The following USP34 variants were observed in gnomAD, a reference collection of about 807,000 sequenced individuals.
The protein encoded by USP34 is ubiquitin specific peptidase 34.
In USP34, 70 loss-of-function variants were observed where a neutral mutation model predicts 460.3. That is an observed-to-expected ratio of 0.15 (90% confidence interval 0.13 to 0.19). The LOEUF is 0.19. Among genes scored for constraint, USP34 ranks in the 10% least tolerant of loss-of-function variants. The probability of loss-of-function intolerance (pLI) is 1.00; values close to 1 mark genes in which losing one functional copy is unlikely to be tolerated. For synonymous variants in USP34, 1,647 were observed against 1,405.3 expected (o/e 1.17, Z -3.85); for missense variants, 3,985 against 4,236.2 (o/e 0.94, Z 1.65).
At chr2:61,449,509 G>GA (rs34449666) in intron 1 of USP34, among the ~76,000 whole-genome samples, 139 of 139,804 alleles carry the variant, frequency 9.9e-4, no homozygotes, top group African/African-American at 1.9e-3. Flanking sequence ...ACATAATTTT[G>GA]AAAAAAAAAA....
At chr2:61,282,885 CTTT>C (rs970455562) in intron 37 of USP34, among the ~76,000 whole-genome samples, 4 of 151,724 alleles carry the variant, frequency 2.6e-5, no homozygotes, top group African/African-American at 7.3e-5. Context: ...CCTGGAAAAA[CTTT>C]TTTTTATTAA....
chr2:61,393,660 C>T (rs1331357993), intron 5 of USP34, among the ~76,000 whole-genome samples: 3 of 151,982 alleles, frequency 2.0e-5, no homozygotes, highest in Admixed American at 2.0e-4. Flanking sequence ...TCACTTTTCA[C>T]CCAATATTTT....
rs977068879 is a variant in USP34, at chr2:61,405,603, T to C, written c.552+105A>G. The C allele has an allele frequency of 8.3e-5, 90 of 1,080,722 alleles. 1 individual carries two copies. In the African/African-American group the frequency reaches 1.1e-3, roughly 13 times the overall value. The allele number at this position is 1,080,722 out of a possible 1,614,324, so 66.9% of individuals were successfully genotyped here. A position where few individuals can be genotyped will look rare whatever the true frequency, so the allele number is the denominator to read the frequency against. ...CATTAAATAATTCTGGTGACAATAATGATTTTCCGCCAGCAGAAAACTGTC... is the reference window on the plus strand; with the variant it reads ...CATTAAATAATTCTGGTGACAATAACGATTTTCCGCCAGCAGAAAACTGTC... On this transcript the variant is annotated intron_variant, in intron 3 of 79. Transcript: ENST00000398571.
At chr2:61,265,600 T>A (rs776006791) in intron 42 of USP34, 43 bp from the exon 43 acceptor site, 4 of 1,555,986 alleles carry the variant, frequency 2.6e-6, no homozygotes, top group Middle Eastern at 1.7e-4. Context: ...CCAAACAAAC[T>A]ATGAAACACA....
chr2:61,349,029 A>G (rs1691857751), intron 13 of USP34, 143 bp from the exon 14 acceptor site: 1 of 1,134,480 alleles, frequency 8.8e-7, no homozygotes, highest in South Asian at 1.8e-5. Flanking sequence ...ATATGTTAAC[A>G]TTTGCTCATG....
Position 61,314,658 on chromosome 2 carries a change from A to T in USP34, c.3469T>A (p.Ser1157Thr), listed in dbSNP as rs1558525512. The T allele has an allele frequency of 1.2e-6, 2 of 1,603,628 alleles. No homozygotes were observed. The highest frequency in any genetic ancestry group is 1.7e-6 in the Non-Finnish European group (2 of 1,176,720). Residue 1157 changes from serine to threonine, a missense_variant, in exon 25 of 80, where the codon TCA becomes ACA. Physicochemically the swap from Ser to Thr is moderately conservative, Grantham distance 58. Coordinates refer to ENST00000398571, the MANE Select transcript of USP34 (RefSeq NM_014709.4). Reference sequence around the variant, plus strand: ...TCTATAACCATGAGACTTGAGTGTGATTCCTGTTCAAGACTGCTAGAAGCT... The same window carrying T: ...TCTATAACCATGAGACTTGAGTGTGTTTCCTGTTCAAGACTGCTAGAAGCT... Reference protein sequence around the residue: ...MIASSSLEQESHSSLMVIERG... With the variant: ...MIASSSLEQETHSSLMVIERG...
intron 3 of USP34, among the ~76,000 whole-genome samples, chr2:61,399,783 G>C (rs1276593910): frequency 6.9e-5 from 10 of 145,580 alleles, no homozygotes; most frequent in Admixed American, 3.6e-4. Context: ...TGAGGCCGGT[G>C]AATCGCTTGA....
intron 48 of USP34, among the ~76,000 whole-genome samples, chr2:61,254,095 C>T (rs532976275): frequency 3.3e-5 from 5 of 152,304 alleles, no homozygotes; most frequent in African/African-American, 1.2e-4. Flanking sequence ...GACAATGTTG[C>T]TTCTATTCCT....
At position 61,405,892 on chromosome 2, in the gene USP34, T is replaced by G; in HGVS notation, c.368A>C (p.Glu123Ala). 4 of 1,613,722 alleles carry G rather than the reference T, an allele frequency of 2.5e-6. No individual in the cohort carries two copies. The highest frequency in any genetic ancestry group is 2.5e-6 in the Non-Finnish European group (3 of 1,179,944). The change falls in exon 3 of 80, where the codon GAA (glutamate) becomes GCA (alanine). Residue 123 changes from glutamate to alanine, a missense_variant. Transcript: ENST00000398571. The part of the protein sequence containing the change: ...EGSTERQKSI[E>A]KKSNSTRICN... ...AATTCTTGTAGAGTTTGATTTTTTTTCTATTGATTTTTGTCTTTCTGTACT... is the reference window on the plus strand; with the variant it reads ...AATTCTTGTAGAGTTTGATTTTTTTGCTATTGATTTTTGTCTTTCTGTACT...
chr2:61,335,015 ACAGAGT>A, intron 18 of USP34, among the ~76,000 whole-genome samples: 1 of 142,712 alleles, frequency 7.0e-6, no homozygotes, highest in Admixed American at 6.7e-5. Context: ...TAATGACCAG[ACAGAGT>A]CAAAGTCATC....
chr2:61,233,263 C>A (rs1687965468), intron 57 of USP34, among the ~76,000 whole-genome samples: 1 of 151,838 alleles, frequency 6.6e-6, no homozygotes, highest in Admixed American at 6.6e-5. Flanking sequence ...ATCGAACAGC[C>A]ATGAGAAGAG....
intron 2 of USP34, among the ~76,000 whole-genome samples, chr2:61,419,565 T>C (rs1406407120): frequency 6.6e-6 from 1 of 152,104 alleles, no homozygotes; most frequent in Non-Finnish European, 1.5e-5. Flanking sequence ...TCCCACCCCA[T>C]CTCTACCAAT....
intron 48 of USP34, among the ~76,000 whole-genome samples, chr2:61,254,543 G>A (rs914702238): frequency 2.6e-5 from 4 of 152,152 alleles, no homozygotes; most frequent in East Asian, 1.9e-4. Context: ...CTCTGCATTC[G>A]TTCTTAGTAA....
chr2:61,195,954 T>G (rs966868347), intron 75 of USP34, among the ~76,000 whole-genome samples: 2 of 151,580 alleles, frequency 1.3e-5, no homozygotes, highest in African/African-American at 4.8e-5. Context: ...TCACCCACGC[T>G]GGAGGACAGT....
intron 38 of USP34, 127 bp from the exon 39 acceptor site, chr2:61,280,475 A>G: frequency 2.3e-6 from 1 of 433,120 alleles, no homozygotes. Flanking sequence ...AAATCTTTTT[A>G]AAAATGGAGT....
rs1354415482 is a variant in USP34, at chr2:61,248,479, TCA to T, written c.6394+30_6394+31del. The T allele has an allele frequency of 3.3e-6, 5 of 1,516,812 alleles. No individual in the cohort carries two copies. The Admixed American group carries it at 6.0e-5, about 18-fold the overall frequency. 94.0% of individuals were successfully genotyped at this position (1,516,812 alleles called of 1,614,324 possible). On this transcript the variant is annotated intron_variant, in intron 49 of 79. Transcript: ENST00000398571. ...ACCTTGTTATGGAGATTGACAATAA[TCA>T]CAGACAAGAGAAAGAAATGAAAAAA...
Position 61,351,403 on chromosome 2 carries a change from A to G in USP34, c.1252-710T>C, listed in dbSNP as rs188696468. ...CTTCTTTGTTATAATAAACACAAACATGTAAATTCATGAGGGACAATATTT... is the reference window on the plus strand; with the variant it reads ...CTTCTTTGTTATAATAAACACAAACGTGTAAATTCATGAGGGACAATATTT... On this transcript the variant is annotated intron_variant, in intron 10 of 79. Coordinates refer to ENST00000398571, the MANE Select transcript of USP34 (RefSeq NM_014709.4). Among the ~76,000 whole-genome samples the G allele has an allele frequency of 1.1e-4, 16 of 152,290 alleles. No homozygotes were observed. The East Asian group carries it at 3.1e-3, about 29-fold the overall frequency.
chr2:61,398,482 G>GGA (rs1237149409), intron 3 of USP34, among the ~76,000 whole-genome samples: 84 of 140,220 alleles, frequency 6.0e-4, no homozygotes, highest in African/African-American at 2.0e-3. Context: ...GGAAGGAGGC[G>GGA]GAAGCGGGGG....
At chr2:61,325,598 G>GA (rs1691061539) in intron 20 of USP34, 141 bp from the exon 21 acceptor site, 1 of 461,374 alleles carries the variant, frequency 2.2e-6, no homozygotes, top group Non-Finnish European at 3.6e-6. Flanking sequence ...TTGGTTACAC[G>GA]AAAGAAGTTC....
Sources: allele counts gnomAD v4.1 joint callset (sites outside exome capture counted in the v4.1 genomes callset), GRCh38; gene constraint gnomAD v4.1.1; transcripts MANE v1.5; gene names NCBI Gene and HGNC (gene_info 2026-07-23, HGNC 2026-07-21).